Variants in EFCAB6 observed in about 807,000 individuals in gnomAD.
EFCAB6 encodes EF-hand calcium-binding domain-containing protein 6.
EFCAB6 carries 156 observed loss-of-function variants against 169.8 expected under a neutral mutation model. That is an observed-to-expected ratio of 0.92 (90% CI 0.81 to 1.05). EFCAB6 has a LOEUF of 1.05. EFCAB6 is among the 50% of genes least tolerant of loss of function. The pLI, the probability that EFCAB6 is intolerant of heterozygous loss-of-function variation, is 0.00. For synonymous variants in EFCAB6, 698 were observed against 676.4 expected, an observed-to-expected ratio of 1.03 and a Z score of -0.50; for missense variants, 1,800 against 1,829.1, an observed-to-expected ratio of 0.98 and a Z score of 0.29.
At chr22:43,717,193 G>C (rs554201219) in intron 8 of EFCAB6, among the ~76,000 whole-genome samples, 48 of 152,094 alleles carry the variant, frequency 3.2e-4, no homozygotes, top group African/African-American at 1.2e-3. Flanking sequence ...ATAAACACTA[G>C]ATAGAGTGAA....
intron 26 of EFCAB6, among the ~76,000 whole-genome samples, chr22:43,573,555 AC>A (rs2050032455): frequency 6.6e-6 from 1 of 151,966 alleles, no homozygotes; most frequent in Non-Finnish European, 1.5e-5. Flanking sequence ...ACATGGAGAA[AC>A]CCCATCTCTA....
chr22:43,613,711 G>A (rs537908331), intron 21 of EFCAB6, among the ~76,000 whole-genome samples: 29 of 152,016 alleles, frequency 1.9e-4, no homozygotes, highest in South Asian at 8.3e-4. Flanking sequence ...AAACCGCCAC[G>A]GCATGAATTT....
At chr22:43,791,436 G>A (rs2062283746) in intron 2 of EFCAB6, among the ~76,000 whole-genome samples, 4 of 151,466 alleles carry the variant, frequency 2.6e-5, no homozygotes, top group Admixed American at 2.0e-4. Context: ...ATATGAGATA[G>A]TCCCATCAAG....
At chr22:43,735,611 C>G (rs2060105640) in intron 7 of EFCAB6, among the ~76,000 whole-genome samples, 1 of 152,094 alleles carries the variant, frequency 6.6e-6, no homozygotes. Context: ...TTCAGAGCTG[C>G]GGGCCAGAGG....
chr22:43,765,858 T>A (rs1028205430), intron 4 of EFCAB6, among the ~76,000 whole-genome samples: 5 of 152,062 alleles, frequency 3.3e-5, no homozygotes, highest in African/African-American at 9.7e-5. Flanking sequence ...TATCATTGGG[T>A]CAAGTGGGTC....
intron 3 of EFCAB6, among the ~76,000 whole-genome samples, chr22:43,779,513 G>A (rs1569484717): frequency 6.6e-6 from 1 of 152,122 alleles, no homozygotes; most frequent in Non-Finnish European, 1.5e-5. Context: ...AGGCCGAGGT[G>A]GGCGGATCAC....
At chr22:43,559,180 C>A (rs551949651) in intron 26 of EFCAB6, among the ~76,000 whole-genome samples, 14 of 152,228 alleles carry the variant, frequency 9.2e-5, no homozygotes, top group South Asian at 2.1e-4. Context: ...AAAAAAACAA[C>A]CCCATCAAAA....
At chr22:43,602,810 G>A (rs951723433) in intron 22 of EFCAB6, among the ~76,000 whole-genome samples, 6 of 151,940 alleles carry the variant, frequency 3.9e-5, no homozygotes, top group East Asian at 1.9e-4. Flanking sequence ...TCCTCAAGGC[G>A]CGGTGAGGAC....
chr22:43,689,627 G>A (rs1472035619), intron 10 of EFCAB6, among the ~76,000 whole-genome samples: 1 of 152,190 alleles, frequency 6.6e-6, no homozygotes, highest in African/African-American at 2.4e-5. Context: ...GGCAGTGCCA[G>A]TCAAATGAGA....
intron 5 of EFCAB6, among the ~76,000 whole-genome samples, chr22:43,763,988 C>T (rs1220995722): frequency 6.6e-6 from 1 of 152,130 alleles, no homozygotes; most frequent in African/African-American, 2.4e-5. Context: ...GTCTCAAACT[C>T]CTGGGCTCAA....
At chr22:43,765,420 C>T in intron 4 of EFCAB6, 27 bp from the exon 5 acceptor site, 1 of 1,561,894 alleles carries the variant, frequency 6.4e-7, no homozygotes, top group Non-Finnish European at 8.8e-7. Context: ...AGAATGACAA[C>T]ATGTTAGAGA....
chr22:43,755,174 G>A (rs1017954474), intron 6 of EFCAB6, among the ~76,000 whole-genome samples: 2 of 152,144 alleles, frequency 1.3e-5, no homozygotes, highest in Non-Finnish European at 2.9e-5. Flanking sequence ...TCATGTAACT[G>A]ACAGGCCCAA....
At chr22:43,600,782 G>A (rs932440687) in intron 22 of EFCAB6, among the ~76,000 whole-genome samples, 1 of 152,108 alleles carries the variant, frequency 6.6e-6, no homozygotes, top group African/African-American at 2.4e-5. Context: ...TCCTGCCTCA[G>A]CCTCCCGAGT....
At chr22:43,593,589 G>A (rs1470273173) in intron 23 of EFCAB6, among the ~76,000 whole-genome samples, 1 of 152,134 alleles carries the variant, frequency 6.6e-6, no homozygotes, top group African/African-American at 2.4e-5. Flanking sequence ...TCAATTCTCT[G>A]CTTTCAGGCT....
At chr22:43,736,072 T>G in intron 6 of EFCAB6, 79 bp from the exon 7 acceptor site, 2 of 1,301,518 alleles carry the variant, frequency 1.5e-6, no homozygotes, top group Non-Finnish European at 2.0e-6. Flanking sequence ...GTGAAAGTTT[T>G]TTTTAATACT....
intron 20 of EFCAB6, among the ~76,000 whole-genome samples, chr22:43,624,970 T>C (rs1009376117): frequency 6.6e-6 from 1 of 152,332 alleles, no homozygotes; most frequent in East Asian, 1.9e-4. Flanking sequence ...TTTGTTTTAA[T>C]GTTAGGCAAT....
At chr22:43,797,027 A>G (rs2062534852) in intron 2 of EFCAB6, among the ~76,000 whole-genome samples, 1 of 152,204 alleles carries the variant, frequency 6.6e-6, no homozygotes, top group African/African-American at 2.4e-5. Context: ...TGTGATATAT[A>G]TGAGAATGCC....
chr22:43,749,850 G>A (rs564936186), intron 6 of EFCAB6, among the ~76,000 whole-genome samples: 2 of 152,198 alleles, frequency 1.3e-5, no homozygotes, highest in Admixed American at 6.5e-5. Flanking sequence ...CCAGCACTAC[G>A]GTGAGTTCAT....
At chr22:43,532,560 C>A (rs2047138291) in intron 30 of EFCAB6, among the ~76,000 whole-genome samples, 1 of 151,034 alleles carries the variant, frequency 6.6e-6, no homozygotes, top group African/African-American at 2.4e-5. Flanking sequence ...AAGAACTGAG[C>A]TGGCAGAACT....
Sources: gnomAD v4.1 joint callset for allele counts (sites outside exome capture counted in the v4.1 genomes callset) on GRCh38, gnomAD v4.1.1 for gene constraint, MANE v1.5 for transcripts, NCBI Gene and HGNC (gene_info 2026-07-23, HGNC 2026-07-21) for gene names.